Variants in PCDH15 observed in about 807,000 individuals in gnomAD.
PCDH15 encodes the protein protocadherin-15.
Under a neutral mutation model 178.5 loss-of-function variants are expected in PCDH15, and 129 were observed. That is an observed-to-expected ratio of 0.72 (90% confidence interval 0.63 to 0.84). The LOEUF is 0.84. Among genes scored for constraint, PCDH15 ranks in the 40% least tolerant of loss-of-function variants. The pLI is 0.00. For missense variants in PCDH15, 2,230 were observed against 2,099.9 expected (o/e 1.06, Z -1.21); for synonymous variants, 800 against 732.0 (o/e 1.09, Z -1.50).
At chr10:54,993,260 G>A (rs1839549983) in intron 2 of PCDH15, among the ~76,000 whole-genome samples, 1 of 152,162 alleles carries the variant, frequency 6.6e-6, no homozygotes, top group Non-Finnish European at 1.5e-5. Context: ...AATAAATAAA[G>A]ATCTGAAGCT....
At chr10:54,647,567 G>A (rs976691481) in intron 2 of PCDH15, among the ~76,000 whole-genome samples, 1 of 152,086 alleles carries the variant, frequency 6.6e-6, no homozygotes, top group Non-Finnish European at 1.5e-5. Context: ...GCATGAGCCA[G>A]GTGCCTGAGC....
chr10:53,858,708 C>T (rs917638973), intron 27 of PCDH15, among the ~76,000 whole-genome samples: 4 of 152,036 alleles, frequency 2.6e-5, no homozygotes, highest in Non-Finnish European at 4.4e-5. Flanking sequence ...ACCCCTAACC[C>T]GTCATAGGTG....
chr10:54,478,220 A>G (rs1195243333), intron 3 of PCDH15, among the ~76,000 whole-genome samples: 1 of 152,134 alleles, frequency 6.6e-6, no homozygotes, highest in South Asian at 2.1e-4. Flanking sequence ...TAGTTGGCGC[A>G]TTTTGATGAG....
At chr10:55,200,075 G>C (rs967301253) in intron 1 of PCDH15, among the ~76,000 whole-genome samples, 2 of 152,088 alleles carry the variant, frequency 1.3e-5, no homozygotes, top group African/African-American at 4.8e-5. Flanking sequence ...TTGTGGACCT[G>C]TAAGAAGAGG....
chr10:54,385,054 A>G (rs1273200847), intron 3 of PCDH15, among the ~76,000 whole-genome samples: 1 of 152,122 alleles, frequency 6.6e-6, no homozygotes. Context: ...TCCAAATCCA[A>G]GTGTATATTC....
chr10:54,122,365 T>A (rs894272837), intron 15 of PCDH15, among the ~76,000 whole-genome samples: 4 of 151,902 alleles, frequency 2.6e-5, no homozygotes, highest in Admixed American at 2.6e-4. Flanking sequence ...GAGGTACATA[T>A]CTCAAAATAA....
intron 2 of PCDH15, among the ~76,000 whole-genome samples, chr10:55,403,291 G>A (rs1035328887): frequency 6.6e-6 from 1 of 151,626 alleles, no homozygotes; most frequent in East Asian, 1.9e-4. Flanking sequence ...CAAATGAAGA[G>A]TTTGTAAATA....
At chr10:55,070,918 G>A (rs542685464) in intron 2 of PCDH15, among the ~76,000 whole-genome samples, 9 of 152,214 alleles carry the variant, frequency 5.9e-5, no homozygotes, top group Admixed American at 3.3e-4. Flanking sequence ...AGCATGGAAT[G>A]TTCTTCCATT....
chr10:54,638,574 C>T (rs1426622789), intron 2 of PCDH15, among the ~76,000 whole-genome samples: 3 of 152,016 alleles, frequency 2.0e-5, no homozygotes, highest in Admixed American at 1.3e-4. Flanking sequence ...TAGTGCCTGG[C>T]TTCCATTTTT....
intron 8 of PCDH15, among the ~76,000 whole-genome samples, chr10:54,287,993 AC>A (rs2059142478): frequency 6.6e-6 from 1 of 152,104 alleles, no homozygotes; most frequent in Non-Finnish European, 1.5e-5. Context: ...ATTTACAATA[AC>A]CTTTTGGAAT....
chr10:54,174,591 G>A (rs2047234687), intron 13 of PCDH15, among the ~76,000 whole-genome samples: 1 of 151,388 alleles, frequency 6.6e-6, no homozygotes, highest in Non-Finnish European at 1.5e-5. Flanking sequence ...GGTAGGAGGT[G>A]GTAATAGATT....
chr10:54,088,689 C>T (rs1480461357), intron 16 of PCDH15, among the ~76,000 whole-genome samples: 2 of 152,064 alleles, frequency 1.3e-5, no homozygotes, highest in African/African-American at 4.8e-5. Context: ...TCATATATTG[C>T]AATTTATGAT....
chr10:54,132,686 T>C (rs939608507), intron 15 of PCDH15, among the ~76,000 whole-genome samples, 189 bp downstream of exon 15: 1 of 152,212 alleles, frequency 6.6e-6, no homozygotes, highest in Admixed American at 6.5e-5. Context: ...ATCAATAGAA[T>C]AGATTAGCTG....
intron 2 of PCDH15, among the ~76,000 whole-genome samples, chr10:55,360,542 T>C (rs1198037123): frequency 6.6e-6 from 1 of 151,806 alleles, no homozygotes; most frequent in Non-Finnish European, 1.5e-5. Context: ...CAATAGAGAA[T>C]TGGGGAATTT....
intron 2 of PCDH15, among the ~76,000 whole-genome samples, chr10:54,601,066 G>A (rs758005480): frequency 3.3e-5 from 5 of 151,980 alleles, no homozygotes; most frequent in Non-Finnish European, 5.9e-5. Context: ...ATTTAAAATG[G>A]ACTTTTCTTC....
chr10:54,691,639 A>C (rs1305963506), intron 1 of PCDH15, among the ~76,000 whole-genome samples: 1 of 151,882 alleles, frequency 6.6e-6, no homozygotes, highest in Non-Finnish European at 1.5e-5. Context: ...CTTCAGCCAC[A>C]CATCGTCTAC....
chr10:54,209,110 C>A (rs1053416546), intron 10 of PCDH15, among the ~76,000 whole-genome samples: 6 of 152,008 alleles, frequency 3.9e-5, no homozygotes, highest in East Asian at 1.9e-4. Flanking sequence ...TAGGTTCCAT[C>A]TTTTTCATTT....
chr10:55,463,899 G>GAGAAAGAAAGAA (rs71014491), intron 2 of PCDH15, among the ~76,000 whole-genome samples: 34 of 47,482 alleles, frequency 7.2e-4, no homozygotes, highest in Non-Finnish European at 7.6e-4. Context: ...GGGAGAGAGA[G>GAGAAAGAAAGAA]AGAAAGAAAG....
chr10:53,831,607 T>A, intron 29 of PCDH15, 74 bp from the exon 30 acceptor site: 2 of 1,115,322 alleles, frequency 1.8e-6, no homozygotes, highest in Non-Finnish European at 2.6e-6. Flanking sequence ...AATCTTTTTG[T>A]AAGATCTTTC....
Sources: allele counts gnomAD v4.1 joint callset (sites outside exome capture counted in the v4.1 genomes callset), GRCh38; gene constraint gnomAD v4.1.1; transcripts MANE v1.5; gene names NCBI Gene and HGNC (gene_info 2026-07-23, HGNC 2026-07-21).